SERTM1: variants seen among roughly 807,000 people sequenced by gnomAD.
SERTM1 encodes the protein serine-rich and transmembrane domain-containing protein 1.
A neutral mutation model predicts 5.5 loss-of-function variants in SERTM1; 1 was observed. The observed-to-expected ratio is 0.18, with a 90% confidence interval of 0.06 to 0.86. The LOEUF (loss-of-function observed/expected upper bound fraction) is 0.86. Ranked by LOEUF, SERTM1 falls within the 40% of genes least tolerant of loss-of-function variation. The probability of loss-of-function intolerance (pLI) is 0.69; values close to 1 mark genes in which losing one functional copy is unlikely to be tolerated. For missense variants in SERTM1, 91 were observed against 122.4 expected, an observed-to-expected ratio of 0.74 and a Z score of 1.21; for synonymous variants, 52 against 55.1, an observed-to-expected ratio of 0.94 and a Z score of 0.25.
chr13:36,676,158 CTTTTTCT>C (rs1437653912), intron 1 of SERTM1, among the ~76,000 whole-genome samples: 1 of 152,008 alleles, frequency 6.6e-6, no homozygotes, highest in African/African-American at 2.4e-5. Context: ...TCCTGGGTTT[CTTTTTCT>C]TTTTTCTTGT....
Position 36,697,103 on chromosome 13 carries a change from A to G in SERTM1, c.*1701A>G, listed in dbSNP as rs1324249810. ...ATTTATATATCAAAAACGTCCCCAA[A>G]CACCATAAGACCAGCACAGAGTTGC... On this transcript the variant is annotated 3_prime_UTR_variant, in exon 2 of 2. Coordinates refer to ENST00000315190, the MANE Select transcript of SERTM1 (RefSeq NM_203451.3). The G allele has an allele frequency of 1.2e-5, 2 of 166,960 alleles. No homozygotes were observed. The highest frequency in any genetic ancestry group is 3.8e-4 in the East Asian group (2 of 5,200). 10.3% of individuals were successfully genotyped at this position (166,960 alleles called of 1,614,324 possible).
rs1457022088 is a variant in SERTM1 at position 36,696,498 on chromosome 13, G to A, written c.*1096G>A. 1 of 166,990 alleles carries A rather than the reference G, an allele frequency of 6.0e-6. No homozygotes were observed. The highest frequency in any genetic ancestry group is 1.5e-5 in the Non-Finnish European group (1 of 68,108). 10.3% of individuals were successfully genotyped at this position (166,990 alleles called of 1,614,324 possible). On this transcript the variant is annotated 3_prime_UTR_variant, in exon 2 of 2. Coordinates refer to ENST00000315190, the MANE Select transcript of SERTM1 (RefSeq NM_203451.3). ...ATAATACTCTACATTAGGATTTCAG[G>A]ATGTGAGTTTGTATTAAAAATTGTA... is the stretch of plus-strand genomic sequence containing the variant.
intron 1 of SERTM1, among the ~76,000 whole-genome samples, chr13:36,680,113 G>A (rs961334221): frequency 2.0e-5 from 3 of 152,216 alleles, no homozygotes; most frequent in Admixed American, 6.5e-5. Context: ...TGATTCCAGA[G>A]CATTTTGGAT....
intron 1 of SERTM1, among the ~76,000 whole-genome samples, chr13:36,689,091 A>G (rs2056760568): frequency 6.6e-6 from 1 of 152,208 alleles, no homozygotes; most frequent in Non-Finnish European, 1.5e-5. Context: ...CTAGAAAATT[A>G]CCCATTTAGC....
intron 1 of SERTM1, among the ~76,000 whole-genome samples, chr13:36,674,766 T>C (rs916971106): frequency 6.6e-6 from 1 of 151,892 alleles, no homozygotes; most frequent in Non-Finnish European, 1.5e-5. Context: ...CGCTGGAGAG[T>C]CTTTTCGCCC....
intron 1 of SERTM1, among the ~76,000 whole-genome samples, chr13:36,676,501 G>A (rs1394777273): frequency 2.0e-5 from 3 of 152,032 alleles, no homozygotes; most frequent in African/African-American, 7.2e-5. Flanking sequence ...AATTATGGCT[G>A]AATTTTTGTG....
chr13:36,678,505 C>T (rs1263355992), intron 1 of SERTM1, among the ~76,000 whole-genome samples: 3 of 147,472 alleles, frequency 2.0e-5, no homozygotes, highest in Non-Finnish European at 3.0e-5. Flanking sequence ...ACACTGGGGC[C>T]TGTTGGGGTG....
chr13:36,686,012 G>T (rs1328919580), intron 1 of SERTM1, among the ~76,000 whole-genome samples: 2 of 152,186 alleles, frequency 1.3e-5, no homozygotes, highest in African/African-American at 2.4e-5. Flanking sequence ...ATCCTTGGCT[G>T]CCTCTGAAGA....
At chr13:36,688,124 A>G (rs1382345958) in intron 1 of SERTM1, among the ~76,000 whole-genome samples, 5 of 152,224 alleles carry the variant, frequency 3.3e-5, no homozygotes, top group African/African-American at 9.6e-5. Flanking sequence ...TTATTTTACT[A>G]TAGAGACAAA....
At chr13:36,689,703 A>T (rs1261960060) in intron 1 of SERTM1, among the ~76,000 whole-genome samples, 1 of 150,710 alleles carries the variant, frequency 6.6e-6, no homozygotes, top group Non-Finnish European at 1.5e-5. Flanking sequence ...CCCTCAATCA[A>T]CTCTGTTTTA....
intron 1 of SERTM1, among the ~76,000 whole-genome samples, chr13:36,693,044 A>G (rs1386621103): frequency 6.6e-6 from 1 of 152,232 alleles, no homozygotes; most frequent in Non-Finnish European, 1.5e-5. Flanking sequence ...CCTTCCCACC[A>G]AAACCTTAGA....
intron 1 of SERTM1, among the ~76,000 whole-genome samples, chr13:36,685,565 A>T (rs754273331): frequency 3.2e-4 from 49 of 152,192 alleles, no homozygotes; most frequent in Non-Finnish European, 5.4e-4. Context: ...CCTATTTTTT[A>T]AAATTGCAGC....
intron 1 of SERTM1, among the ~76,000 whole-genome samples, chr13:36,681,357 T>G (rs1393689756): frequency 6.6e-6 from 1 of 152,226 alleles, no homozygotes; most frequent in Admixed American, 6.5e-5. Flanking sequence ...AACATGCCAC[T>G]GAGGGAGCCA....
rs532061974 is a variant in SERTM1, at chr13:36,690,205, A to G, written c.-173-4701A>G. On this transcript the variant is annotated intron_variant, in intron 1 of 1. Coordinates refer to ENST00000315190, the MANE Select transcript of SERTM1 (RefSeq NM_203451.3). ...ATGGCCCTCTAATTCAATGTTCTCA[A>G]TGTGCGATAGCAGATAGATGCAGTT... Among the ~76,000 whole-genome samples, 6 of 152,272 alleles carry G rather than the reference A, an allele frequency of 3.9e-5. No homozygotes were observed. In the East Asian group the frequency reaches 1.2e-3, roughly 29 times the overall value.
chr13:36,686,924 G>A (rs190208462), intron 1 of SERTM1, among the ~76,000 whole-genome samples: 22 of 152,282 alleles, frequency 1.4e-4, no homozygotes, highest in African/African-American at 5.3e-4. Context: ...AAAACTGGAT[G>A]TATCCAAAAC....
Position 36,678,679 on chromosome 13 carries a change from T to TTATATATA in SERTM1, c.-174+4504_-174+4511dup, listed in dbSNP as rs765476413. ...CCTGGAACTTAAAATAAAATAAAAT[T>TTATATATA]TATATATATATATATAAAATATAGT... On this transcript the variant is annotated intron_variant, in intron 1 of 1. Coordinates refer to ENST00000315190, the MANE Select transcript of SERTM1 (RefSeq NM_203451.3). 2.2e-4 allele frequency among the ~76,000 whole-genome samples: 29 copies of TTATATATA among 133,734 alleles called. 2 individuals carry two copies. The South Asian group carries it at 5.9e-3, about 27-fold the overall frequency. The allele number at this position is 133,734 out of a possible 152,430, so 87.7% of individuals were successfully genotyped here. A position where few individuals can be genotyped will look rare whatever the true frequency, so the allele number is the denominator to read the frequency against.
At chr13:36,682,056 C>T (rs1382439313) in intron 1 of SERTM1, among the ~76,000 whole-genome samples, 20 of 152,204 alleles carry the variant, frequency 1.3e-4, no homozygotes, top group Non-Finnish European at 1.3e-4. Flanking sequence ...AGAGAGCATT[C>T]ATCATCATTA....
chr13:36,692,101 TG>T (rs2056783014), intron 1 of SERTM1, among the ~76,000 whole-genome samples: 1 of 152,200 alleles, frequency 6.6e-6, no homozygotes, highest in Admixed American at 6.5e-5. Context: ...CAATAATATT[TG>T]GGGGGAATAC....
chr13:36,694,648 T>C (rs1263738854), intron 1 of SERTM1, among the ~76,000 whole-genome samples: 3 of 152,220 alleles, frequency 2.0e-5, no homozygotes, highest in Non-Finnish European at 4.4e-5. Flanking sequence ...ACATCATAAA[T>C]GTATTTTCCC....
Sources: gnomAD v4.1 joint callset for allele counts (sites outside exome capture counted in the v4.1 genomes callset) on GRCh38, gnomAD v4.1.1 for gene constraint, MANE v1.5 for transcripts, NCBI Gene and HGNC (gene_info 2026-07-23, HGNC 2026-07-21) for gene names.